Variants in ADTRP observed in about 807,000 individuals in gnomAD.
ADTRP encodes androgen dependent TFPI regulating protein, also known as androgen-dependent TFPI-regulating protein.
ADTRP carries 20 observed loss-of-function variants against 27.0 expected under a neutral mutation model. That is an observed-to-expected ratio of 0.74 (90% CI 0.52 to 1.08). ADTRP has a LOEUF of 1.08. ADTRP is among the 50% of genes least tolerant of loss of function. The pLI is 0.00. For missense variants in ADTRP, 251 were observed against 275.0 expected, an observed-to-expected ratio of 0.91 and a Z score of 0.62; for synonymous variants, 101 against 105.2, an observed-to-expected ratio of 0.96 and a Z score of 0.25.
intron 3 of ADTRP, among the ~76,000 whole-genome samples, chr6:11,745,449 A>G (rs889589727): frequency 2.6e-5 from 4 of 152,218 alleles, no homozygotes; most frequent in African/African-American, 9.6e-5. Flanking sequence ...TACAGTGTCA[A>G]TCTAGGACTA....
At chr6:11,765,599 G>A (rs1240689369) in intron 3 of ADTRP, among the ~76,000 whole-genome samples, 1 of 151,980 alleles carries the variant, frequency 6.6e-6, no homozygotes, top group Non-Finnish European at 1.5e-5. Flanking sequence ...GCTGAGTTAG[G>A]TATTTGAACA....
chr6:11,720,571 A>T (rs891568238), intron 5 of ADTRP, among the ~76,000 whole-genome samples: 1 of 150,922 alleles, frequency 6.6e-6, no homozygotes, highest in Non-Finnish European at 1.5e-5. Flanking sequence ...TCCTGGTTTC[A>T]TGCCATTCTC....
chr6:11,715,372 T>A lies in ADTRP; in HGVS notation c.659-860A>T, dbSNP rs188505682. Among the ~76,000 whole-genome samples the A allele has an allele frequency of 1.1e-3, 173 of 152,292 alleles. 1 individual carries two copies. Among genetic ancestry groups the A allele is most frequent in the African/African-American group, 4.0e-3 (168 of 41,552 alleles). ...TTCCATTCTGCTGGAACTCCACTTC[T>A]TAGAGGCTATCATGACTGGTGACTT... On this transcript the variant is annotated intron_variant, in intron 5 of 5. Transcript: ENST00000414691.
At chr6:11,750,313 T>G (rs1763004040) in intron 3 of ADTRP, among the ~76,000 whole-genome samples, 1 of 152,202 alleles carries the variant, frequency 6.6e-6, no homozygotes, top group Admixed American at 6.5e-5. Context: ...AAATAGGACT[T>G]GGATTTCACC....
intron 3 of ADTRP, among the ~76,000 whole-genome samples, chr6:11,742,207 C>A (rs558766087): frequency 7.2e-4 from 109 of 152,060 alleles, no homozygotes; most frequent in African/African-American, 2.5e-3. Context: ...ATCTATACAC[C>A]TTCCCTCATC....
intron 5 of ADTRP, among the ~76,000 whole-genome samples, chr6:11,717,784 G>A (rs1428608345): frequency 6.6e-6 from 1 of 152,244 alleles, no homozygotes; most frequent in East Asian, 1.9e-4. Context: ...CTGAGGAAGA[G>A]GCAGGGAGGG....
At chr6:11,757,457 T>G (rs1300808322) in intron 3 of ADTRP, among the ~76,000 whole-genome samples, 1 of 152,226 alleles carries the variant, frequency 6.6e-6, no homozygotes, top group African/African-American at 2.4e-5. Flanking sequence ...TTTTCCCCTC[T>G]TTGATACCTT....
intron 3 of ADTRP, chr6:11,754,948 A>G (rs947253477): frequency 2.2e-5 from 18 of 824,074 alleles, no homozygotes; most frequent in Non-Finnish European, 2.6e-5. Flanking sequence ...AGATCATGGG[A>G]GTTTGGCTCT....
chr6:11,743,840 A>G (rs1762787615), intron 3 of ADTRP, among the ~76,000 whole-genome samples: 1 of 152,194 alleles, frequency 6.6e-6, no homozygotes, highest in Admixed American at 6.5e-5. Context: ...CAGCACCCAC[A>G]TAGCAGGCTG....
intron 1 of ADTRP, among the ~76,000 whole-genome samples, chr6:11,777,023 T>C (rs1763977552): frequency 6.6e-6 from 1 of 152,176 alleles, no homozygotes; most frequent in African/African-American, 2.4e-5. Flanking sequence ...AGGCTTAATA[T>C]AAGCCTGGAA....
chr6:11,722,030 TAGAG>T (rs953184540), intron 5 of ADTRP, among the ~76,000 whole-genome samples: 1 of 151,740 alleles, frequency 6.6e-6, no homozygotes, highest in Non-Finnish European at 1.5e-5. Context: ...TAAATATATA[TAGAG>T]AGAGAGAGAT....
At chr6:11,740,199 G>A (rs1762672852) in intron 3 of ADTRP, among the ~76,000 whole-genome samples, 1 of 152,090 alleles carries the variant, frequency 6.6e-6, no homozygotes, top group Admixed American at 6.5e-5. Flanking sequence ...TCCGATCTGC[G>A]AATTAGTTCC....
At chr6:11,758,443 T>G (rs754242017) in intron 3 of ADTRP, among the ~76,000 whole-genome samples, 7 of 151,902 alleles carry the variant, frequency 4.6e-5, no homozygotes, top group Non-Finnish European at 1.0e-4. Flanking sequence ...GTGGCTTTTT[T>G]TTCATTCTCA....
At chr6:11,726,100 A>G (rs1449952775) in intron 4 of ADTRP, among the ~76,000 whole-genome samples, 1 of 152,200 alleles carries the variant, frequency 6.6e-6, no homozygotes, top group Admixed American at 6.5e-5. Flanking sequence ...ACACAGATCA[A>G]CTTTGAAGAC....
intron 2 of ADTRP, 30 bp from the exon 3 acceptor site, chr6:11,766,405 A>G (rs922521328): frequency 1.3e-6 from 2 of 1,527,456 alleles, no homozygotes; most frequent in Non-Finnish European, 1.8e-6. Context: ...AAATAGCATC[A>G]TTAGGCTTGT....
chr6:11,739,598 A>T (rs1000976641), intron 3 of ADTRP, among the ~76,000 whole-genome samples: 1 of 152,164 alleles, frequency 6.6e-6, no homozygotes, highest in Non-Finnish European at 1.5e-5. Flanking sequence ...AAGTACTAAG[A>T]TTTACCAGCC....
At chr6:11,723,870 C>T (rs1762097937) in intron 4 of ADTRP, among the ~76,000 whole-genome samples, 1 of 151,954 alleles carries the variant, frequency 6.6e-6, no homozygotes, top group South Asian at 2.1e-4. Flanking sequence ...AGCAGCCTGG[C>T]CAACATGATG....
chr6:11,755,214 T>A, intron 3 of ADTRP: 1 of 337,304 alleles, frequency 3.0e-6, no homozygotes, highest in Non-Finnish European at 4.2e-6. Flanking sequence ...TCTATACTTT[T>A]TTGATCACTA....
chr6:11,772,364 T>G (rs1045873608), intron 1 of ADTRP, among the ~76,000 whole-genome samples: 1 of 152,268 alleles, frequency 6.6e-6, no homozygotes, highest in African/African-American at 2.4e-5. Context: ...AAAGGATATT[T>G]AGTTTTTACA....
Sources: allele counts gnomAD v4.1 joint callset (sites outside exome capture counted in the v4.1 genomes callset), GRCh38; gene constraint gnomAD v4.1.1; transcripts MANE v1.5; gene names NCBI Gene and HGNC (gene_info 2026-07-23, HGNC 2026-07-21).